The following FAR2 variants were observed in gnomAD, a reference collection of about 807,000 sequenced individuals.
FAR2 encodes the protein fatty acyl-CoA reductase 2.
In FAR2, 19 loss-of-function variants were observed where a neutral mutation model predicts 56.0. The observed-to-expected ratio is 0.34, with a 90% CI of 0.24 to 0.50. The LOEUF is 0.50. Ranked by LOEUF, FAR2 falls within the 20% of genes least tolerant of loss-of-function variation. FAR2 has a pLI of 0.98. For synonymous variants in FAR2, 219 were observed against 218.8 expected (o/e 1.00, Z -0.01); for missense variants, 508 against 642.2 (o/e 0.79, Z 2.26).
At chr12:29,330,056 C>CTTTTTTTTTTTTTTTTTTTTTTTTTTTTT (rs10693997) in intron 10 of FAR2, among the ~76,000 whole-genome samples, 1 of 127,064 alleles carries the variant, frequency 7.9e-6, no homozygotes, top group African/African-American at 3.0e-5. Context: ...ACATTTATGA[C>CTTTTTTTTTTTTTTTTTTTTTTTTTTTTT]TTTTTTTTTT....
intron 1 of FAR2, among the ~76,000 whole-genome samples, chr12:29,225,161 G>A (rs1340740024): frequency 1.3e-5 from 2 of 152,134 alleles, no homozygotes; most frequent in African/African-American, 2.4e-5. Flanking sequence ...ACTTGAGCCT[G>A]GGAGGTCGAG....
intron 1 of FAR2, among the ~76,000 whole-genome samples, chr12:29,261,690 A>G (rs1948421375): frequency 6.6e-6 from 1 of 152,234 alleles, no homozygotes; most frequent in Non-Finnish European, 1.5e-5. Context: ...AACAAACAAC[A>G]TACAATGGAG....
At chr12:29,302,771 G>A (rs1355261273) in intron 4 of FAR2, among the ~76,000 whole-genome samples, 1 of 152,058 alleles carries the variant, frequency 6.6e-6, no homozygotes, top group African/African-American at 2.4e-5. Flanking sequence ...GGCCGGGGGA[G>A]GCAGTGGATT....
chr12:29,311,915 C>G lies in FAR2; in HGVS notation c.920C>G (p.Ser307Cys), dbSNP rs777654778. The change falls in exon 8 of 12, where the codon TCT (serine) becomes TGT (cysteine). Residue 307 changes from serine to cysteine, a missense_variant. Ser to Cys is a moderately radical substitution (Grantham distance 112). Coordinates refer to ENST00000536681, the MANE Select transcript of FAR2 (RefSeq NM_001271783.2). Reference sequence around the variant, plus strand: ...TCAACATTAGTCTACCACATTACATCTGGTAACATGAATCCCTGCAATTGG... The same window carrying G: ...TCAACATTAGTCTACCACATTACATGTGGTAACATGAATCCCTGCAATTGG... ...PKSTLVYHIT[S>C]GNMNPCNWHK... 1 of 1,611,084 alleles carries G rather than the reference C, an allele frequency of 6.2e-7. No homozygotes were observed. The highest frequency in any genetic ancestry group is 1.1e-5 in the South Asian group (1 of 90,726).
intron 10 of FAR2, among the ~76,000 whole-genome samples, chr12:29,326,708 C>T (rs903587306): frequency 3.9e-5 from 6 of 152,190 alleles, no homozygotes; most frequent in African/African-American, 1.4e-4. Flanking sequence ...AACAACACTT[C>T]ATGCTAAAAA....
chr12:29,220,261 T>C (rs552211025), intron 1 of FAR2, among the ~76,000 whole-genome samples: 1 of 152,314 alleles, frequency 6.6e-6, no homozygotes, highest in South Asian at 2.1e-4. Flanking sequence ...ATGTCAGATA[T>C]AGATTTAGAG....
chr12:29,332,618 C>T lies in FAR2; in HGVS notation c.1276C>T (p.Arg426Cys), dbSNP rs370381799. 10 of 1,613,436 alleles carry T rather than the reference C, an allele frequency of 6.2e-6. No homozygotes were observed. The highest frequency in any genetic ancestry group is 1.1e-5 in the South Asian group (1 of 91,070). ...EDQRVFNFDV[R>C]QLNWLEYIEN... ...CTCTCAGGTATTCAACTTTGACGTG[C>T]GCCAGTTGAACTGGTTGGAATACAT... Residue 426 changes from arginine (R) to cysteine (C), a missense_variant, in exon 11 of 12, where the codon CGC (arginine) becomes TGC (cysteine). Transcript: ENST00000536681.
At chr12:29,264,659 AGG>A (rs1948481910) in intron 1 of FAR2, among the ~76,000 whole-genome samples, 1 of 86,058 alleles carries the variant, frequency 1.2e-5, no homozygotes. Flanking sequence ...AAATAAATAA[AGG>A]AGAGAGAGAG....
intron 1 of FAR2, among the ~76,000 whole-genome samples, chr12:29,221,382 T>C (rs1047732220): frequency 1.3e-5 from 2 of 152,160 alleles, no homozygotes; most frequent in African/African-American, 4.8e-5. Flanking sequence ...CACCCTGCTC[T>C]TGCCTGACCA....
At chr12:29,218,522 C>CA (rs150583569) in intron 1 of FAR2, among the ~76,000 whole-genome samples, 5,575 of 152,110 alleles carry the variant, frequency 0.037, 135 homozygotes, top group South Asian at 0.05. Context: ...TGGACAATCT[C>CA]AAACAGTCAA....
intron 1 of FAR2, among the ~76,000 whole-genome samples, chr12:29,160,673 G>A (rs774279311): frequency 2.8e-4 from 42 of 152,276 alleles, no homozygotes; most frequent in Non-Finnish European, 3.7e-4. Flanking sequence ...AGGTGTCAGC[G>A]GGGTTGGCTT....
At chr12:29,322,617 G>A (rs558322998) in intron 10 of FAR2, among the ~76,000 whole-genome samples, 1 of 152,210 alleles carries the variant, frequency 6.6e-6, no homozygotes, top group East Asian at 1.9e-4. Flanking sequence ...AAATTCTTTT[G>A]TATATTATAC....
intron 1 of FAR2, among the ~76,000 whole-genome samples, chr12:29,211,455 A>G (rs1264305217): frequency 6.6e-6 from 1 of 152,222 alleles, no homozygotes; most frequent in African/African-American, 2.4e-5. Flanking sequence ...ATGTTGTCAC[A>G]TAAGTCTATC....
intron 1 of FAR2, among the ~76,000 whole-genome samples, chr12:29,225,460 A>G (rs943271495): frequency 2.0e-5 from 3 of 152,096 alleles, no homozygotes; most frequent in African/African-American, 7.2e-5. Context: ...CTATATTATT[A>G]TTGTTGTTGT....
intron 1 of FAR2, among the ~76,000 whole-genome samples, chr12:29,257,318 A>G (rs1948336570): frequency 6.6e-6 from 1 of 152,096 alleles, no homozygotes. Context: ...GTATCTAGCT[A>G]ATCTGGTGGG....
chr12:29,208,119 G>T (rs1456044298), intron 1 of FAR2, among the ~76,000 whole-genome samples: 3 of 152,210 alleles, frequency 2.0e-5, no homozygotes, highest in African/African-American at 7.2e-5. Flanking sequence ...GTGTTGCTTT[G>T]CAGCTGACTA....
chr12:29,317,053 G>C, intron 9 of FAR2, 41 bp downstream of exon 9: 1 of 1,561,770 alleles, frequency 6.4e-7, no homozygotes, highest in Non-Finnish European at 8.7e-7. Context: ...GTCACTGCAT[G>C]GGAGATTAAG....
At chr12:29,262,476 C>T (rs531179068) in intron 1 of FAR2, among the ~76,000 whole-genome samples, 1 of 151,980 alleles carries the variant, frequency 6.6e-6, no homozygotes, top group African/African-American at 2.4e-5. Flanking sequence ...ACTAAAAATA[C>T]AAAATTAGTC....
intron 1 of FAR2, among the ~76,000 whole-genome samples, chr12:29,191,682 A>G (rs1448181137): frequency 6.6e-6 from 1 of 152,246 alleles, no homozygotes; most frequent in African/African-American, 2.4e-5. Context: ...TATAATTGCT[A>G]TGGGAACTGT....
Sources: gnomAD v4.1 joint callset for allele counts (sites outside exome capture counted in the v4.1 genomes callset) on GRCh38, gnomAD v4.1.1 for gene constraint, MANE v1.5 for transcripts, NCBI Gene and HGNC (gene_info 2026-07-23, HGNC 2026-07-21) for gene names.